Variants in SLC35E1 observed in about 807,000 individuals in gnomAD.
SLC35E1 encodes solute carrier family 35, member E1.
SLC35E1 carries 12 observed loss-of-function variants against 31.0 expected under a neutral mutation model. The ratio of observed to expected loss-of-function variants is 0.39; its 90% CI spans 0.25 to 0.63. SLC35E1 has a LOEUF of 0.63. SLC35E1 is among the 20% of genes least tolerant of loss of function. SLC35E1 has a pLI of 0.52. For missense variants in SLC35E1, 429 were observed against 572.2 expected (o/e 0.75, Z 2.55); for synonymous variants, 257 against 264.1 (o/e 0.97, Z 0.26).
intron 2 of SLC35E1, among the ~76,000 whole-genome samples, chr19:16,570,148 C>T (rs960140906): frequency 2.0e-5 from 3 of 152,176 alleles, no homozygotes; most frequent in Non-Finnish European, 2.9e-5. Flanking sequence ...TGTGAAGTTC[C>T]GGCTCCTTGC....
Position 16,551,325 on chromosome 19 carries a change from G to A in SLC35E1, c.*2354C>T, listed in dbSNP as rs1011738467. On this transcript the variant is annotated 3_prime_UTR_variant, in exon 6 of 6. Coordinates refer to ENST00000595753, the MANE Select transcript of SLC35E1 (RefSeq NM_024881.5). ...GAGGCCGGTGGTGCGGAAACTCACC[G>A]CCAAACAGGGTGGGGGGCCAGTCAC... The A allele has an allele frequency of 2.0e-5, 3 of 152,230 alleles. No homozygotes were observed. The highest frequency in any genetic ancestry group is 6.5e-5 in the Admixed American group (1 of 15,292). 9.4% of individuals were successfully genotyped at this position (152,230 alleles called of 1,614,324 possible).
At chr19:16,569,881 G>T (rs1470403107) in intron 2 of SLC35E1, among the ~76,000 whole-genome samples, 1 of 152,144 alleles carries the variant, frequency 6.6e-6, no homozygotes, top group African/African-American at 2.4e-5. Flanking sequence ...TAGGAGAGGT[G>T]GAGATTTTAG....
chr19:16,564,774 G>A (rs1328241622), intron 4 of SLC35E1, among the ~76,000 whole-genome samples: 1 of 152,156 alleles, frequency 6.6e-6, no homozygotes, highest in Non-Finnish European at 1.5e-5. Context: ...CTGAAAATTA[G>A]TCATCAAAAG....
chr19:16,566,325 C>T (rs1364643722), intron 4 of SLC35E1: 3 of 621,556 alleles, frequency 4.8e-6, no homozygotes, highest in Non-Finnish European at 8.1e-6. Flanking sequence ...ATCAAGCACA[C>T]CAGAGAAGGA....
At chr19:16,556,807 T>G (rs1020497490) in intron 4 of SLC35E1, 11 of 468,468 alleles carry the variant, frequency 2.3e-5, no homozygotes, top group African/African-American at 2.0e-4. Context: ...CCATCTCCAC[T>G]GCACTCCAAG....
chr19:16,556,501 A>G (rs1197962753), intron 4 of SLC35E1, among the ~76,000 whole-genome samples: 1 of 152,072 alleles, frequency 6.6e-6, no homozygotes, highest in Non-Finnish European at 1.5e-5. Flanking sequence ...AGTGTAAGAC[A>G]CTGTTTCAAA....
chr19:16,570,070 A>C (rs995729809), intron 2 of SLC35E1, among the ~76,000 whole-genome samples: 3 of 152,318 alleles, frequency 2.0e-5, no homozygotes, highest in Non-Finnish European at 1.5e-5. Flanking sequence ...GCAGGTTCCT[A>C]GAAGTTATGA....
chr19:16,561,814 C>T (rs1286557076), intron 4 of SLC35E1, among the ~76,000 whole-genome samples: 2 of 152,192 alleles, frequency 1.3e-5, no homozygotes, highest in South Asian at 4.1e-4. Flanking sequence ...ATGTGGGAAC[C>T]CCATCTTCAG....
At chr19:16,564,186 C>G (rs1473869048) in intron 4 of SLC35E1, 1 of 152,418 alleles carries the variant, frequency 6.6e-6, no homozygotes, top group Non-Finnish European at 1.5e-5. Context: ...GACTGCAGCT[C>G]TGGGATGGGA....
In SLC35E1 at chr19:16,555,355, CA is replaced by C. The variant is rs2085870476; in HGVS notation, c.798del (p.Val267SerfsTer23). On this transcript the variant is annotated frameshift_variant, in exon 5 of 6. Transcript: ENST00000595753. LOFTEE classifies it high-confidence loss of function. The surrounding 1 kb of genome is among the most constrained non-coding windows in gnomAD (Gnocchi z 4.1). ...YQWPWTLLLL[A>X]VSGFCNFAQN... ...TGGGCAAAGTTACAGAAGCCGCTGACAGCCAGGAGCAGGAGCGTCCAGGGCC... is the reference window on the plus strand; with the variant it reads ...TGGGCAAAGTTACAGAAGCCGCTGACGCCAGGAGCAGGAGCGTCCAGGGCC... 1.2e-6 allele frequency: 2 copies of C among 1,614,076 alleles called. No homozygotes were observed. Among genetic ancestry groups the C allele is most frequent in the Non-Finnish European group, 1.7e-6 (2 of 1,180,032 alleles).
At position 16,557,094 on chromosome 19, in the gene SLC35E1, A is replaced by G. The variant is rs145998346; in HGVS notation, c.757-1697T>C. ...TGCTATTTTCTTCCTGCTTGCATAGATATCTATCTTCTGGGAAGGGAACCC... is the reference window on the plus strand; with the variant it reads ...TGCTATTTTCTTCCTGCTTGCATAGGTATCTATCTTCTGGGAAGGGAACCC... On this transcript the variant is annotated intron_variant, in intron 4 of 5. Transcript: ENST00000595753. 5.4e-4 allele frequency: 215 copies of G among 397,074 alleles called. 1 individual carries two copies. In the East Asian group the frequency reaches 0.01, roughly 19 times the overall value. 24.6% of individuals were successfully genotyped at this position (397,074 alleles called of 1,614,324 possible).
In SLC35E1 at chr19:16,560,395, G is replaced by A. The variant is rs75277234; in HGVS notation, c.757-4998C>T. Among the ~76,000 whole-genome samples the A allele has an allele frequency of 2.0e-5, 3 of 152,194 alleles. No individual in the cohort carries two copies. In the East Asian group the frequency reaches 5.8e-4, roughly 29 times the overall value. On this transcript the variant is annotated intron_variant, in intron 4 of 5. Transcript: ENST00000595753. ...CAAGCAGTGACAGTACAGAGAACAA[G>A]CTGCAAAAGGGCTCATCCCATCCTC...
chr19:16,554,907 C>A (rs2085867759), intron 5 of SLC35E1, among the ~76,000 whole-genome samples: 1 of 151,766 alleles, frequency 6.6e-6, no homozygotes, highest in Non-Finnish European at 1.5e-5. Context: ...CTAAACAGAG[C>A]CTTTGAGAGG....
rs1007855031 is a variant in SLC35E1 at position 16,551,053 on chromosome 19, T to C, written c.*2626A>G. 1 of 152,198 alleles carries C rather than the reference T, an allele frequency of 6.6e-6. No individual in the cohort carries two copies. Among genetic ancestry groups the C allele is most frequent in the Non-Finnish European group, 1.5e-5 (1 of 68,030 alleles). 9.4% of individuals were successfully genotyped at this position (152,198 alleles called of 1,614,324 possible). A position where few individuals can be genotyped will look rare whatever the true frequency, so the allele number is the denominator to read the frequency against. On this transcript the variant is annotated 3_prime_UTR_variant, in exon 6 of 6. Transcript: ENST00000595753. ...TATGTTCAAAGAATCAGGTACTATA[T>C]ATAATCATATAGACAACTCCCGTAA... is the stretch of plus-strand genomic sequence containing the variant.
intron 2 of SLC35E1, among the ~76,000 whole-genome samples, chr19:16,568,431 A>G (rs1238812366): frequency 6.6e-6 from 1 of 152,246 alleles, no homozygotes; most frequent in Non-Finnish European, 1.5e-5. Context: ...TCAGGGCCAC[A>G]GCCCGGGGCT....
At chr19:16,563,272 C>T (rs947798175) in intron 4 of SLC35E1, among the ~76,000 whole-genome samples, 2 of 140,932 alleles carry the variant, frequency 1.4e-5, no homozygotes, top group African/African-American at 5.8e-5. Flanking sequence ...TGCAGTGAGC[C>T]GAGAACATGC....
At position 16,551,752 on chromosome 19, in the gene SLC35E1, CTT is replaced by C. The variant is rs754006311; in HGVS notation, c.*1925_*1926del. On this transcript the variant is annotated 3_prime_UTR_variant, in exon 6 of 6. Transcript: ENST00000595753. ...TTTCTGCCAAGACCCAAACTGATTC[CTT>C]TTTTTTTTTTTTTTTTTTGAGACAG... The C allele has an allele frequency of 1.7e-3, 214 of 128,186 alleles. 1 individual carries two copies. Among genetic ancestry groups the C allele is most frequent in the Non-Finnish European group, 2.2e-3 (130 of 60,370 alleles). 7.9% of individuals were successfully genotyped at this position (128,186 alleles called of 1,614,324 possible).
intron 3 of SLC35E1, 25 bp downstream of exon 3, chr19:16,568,007 A>G: frequency 5.7e-6 from 9 of 1,586,094 alleles, no homozygotes; most frequent in Non-Finnish European, 7.7e-6. Context: ...AACCCCATGC[A>G]TGTCCGCTGA....
At chr19:16,559,584 T>C (rs2085894429) in intron 4 of SLC35E1, among the ~76,000 whole-genome samples, 1 of 148,758 alleles carries the variant, frequency 6.7e-6, no homozygotes, top group African/African-American at 2.5e-5. Flanking sequence ...CCCAGAGAGG[T>C]TGAGGTGGCA....
Sources: allele counts gnomAD v4.1 joint callset (sites outside exome capture counted in the v4.1 genomes callset), GRCh38; gene constraint gnomAD v4.1.1; non-coding constraint Gnocchi (gnomAD v3.1); transcripts MANE v1.5; gene names NCBI Gene and HGNC (gene_info 2026-07-23, HGNC 2026-07-21).